Variants in PRAG1 observed in about 807,000 individuals in gnomAD.
PRAG1 encodes inactive tyrosine-protein kinase PRAG1.
Under a neutral mutation model 95.6 loss-of-function variants are expected in PRAG1, and 110 were observed. The observed-to-expected ratio is 1.15, with a 90% CI of 0.99 to 1.35. The LOEUF (loss-of-function observed/expected upper bound fraction) is 1.35, where lower values mean the gene tolerates loss of function less well. PRAG1 is among the 40% of genes most tolerant of loss of function. PRAG1 has a pLI of 0.00. For missense variants in PRAG1, 2,554 were observed against 1,864.7 expected (o/e 1.37, Z -6.81); for synonymous variants, 1,052 against 819.4 (o/e 1.28, Z -4.85).
intron 5 of PRAG1, among the ~76,000 whole-genome samples, chr8:8,327,358 T>G (rs1798664532): frequency 2.0e-5 from 3 of 151,964 alleles, no homozygotes; most frequent in Admixed American, 2.0e-4. Flanking sequence ...TCATCTGAGG[T>G]CAGGAGTTCA....
intron 3 of PRAG1, among the ~76,000 whole-genome samples, chr8:8,368,171 G>C (rs1177658166): frequency 6.6e-6 from 1 of 152,178 alleles, no homozygotes; most frequent in Non-Finnish European, 1.5e-5. Context: ...AACAGTGATA[G>C]GTATACTGGA....
intron 3 of PRAG1, among the ~76,000 whole-genome samples, chr8:8,361,562 G>C (rs2116891996): frequency 6.6e-6 from 1 of 152,294 alleles, no homozygotes; most frequent in Middle Eastern, 3.4e-3. Context: ...TGTTTTCAGA[G>C]GGTAAAGAAG....
At chr8:8,382,930 G>A (rs1287100068) in intron 1 of PRAG1, among the ~76,000 whole-genome samples, 4 of 152,138 alleles carry the variant, frequency 2.6e-5, no homozygotes, top group Non-Finnish European at 4.4e-5. Flanking sequence ...GGTGATTTGC[G>A]CATTGCTCCT....
chr8:8,371,830 A>G (rs1216159422), intron 3 of PRAG1, among the ~76,000 whole-genome samples: 1 of 152,162 alleles, frequency 6.6e-6, no homozygotes, highest in Non-Finnish European at 1.5e-5. Context: ...GCACCACTGC[A>G]CTCCAGCCTG....
At chr8:8,319,344 G>C (rs376066922) in intron 5 of PRAG1, 42 bp from the exon 6 acceptor site, 2 of 1,461,882 alleles carry the variant, frequency 1.4e-6, no homozygotes, top group Non-Finnish European at 1.8e-6. Context: ...TGGGGCCCAT[G>C]GTTCCGCCCA....
At position 8,332,304 on chromosome 8, in the gene PRAG1, AG is replaced by A. The variant is rs1339156101; in HGVS notation, c.2321-3844del. Among the ~76,000 whole-genome samples the A allele has an allele frequency of 2.0e-5, 3 of 150,910 alleles. No homozygotes were observed. The East Asian group carries it at 5.8e-4, about 29-fold the overall frequency. Reference sequence around the variant, plus strand: ...AGCCTCCCAAGTAGCTGGGATTACAAGCACCCACCATCACGCCCAGCTAATT... The same window carrying A: ...AGCCTCCCAAGTAGCTGGGATTACAACACCCACCATCACGCCCAGCTAATT... On this transcript the variant is annotated intron_variant, in intron 4 of 5. Transcript: ENST00000615670.
intron 3 of PRAG1, 79 bp from the exon 4 acceptor site, chr8:8,339,714 A>C: frequency 7.0e-7 from 1 of 1,433,946 alleles, no homozygotes; most frequent in Non-Finnish European, 9.5e-7. Flanking sequence ...TCATGAACTT[A>C]CCATGCTCTT....
chr8:8,335,066 G>GA (rs971153213), intron 4 of PRAG1, among the ~76,000 whole-genome samples: 17 of 144,916 alleles, frequency 1.2e-4, no homozygotes, highest in East Asian at 2.0e-4. Flanking sequence ...ACTCTGTCTC[G>GA]AAAAAAAAAA....
At chr8:8,319,324 A>T in intron 5 of PRAG1, 22 bp from the exon 6 acceptor site, 1 of 1,488,290 alleles carries the variant, frequency 6.7e-7, no homozygotes, top group South Asian at 1.4e-5. Flanking sequence ...AGAAGAAGTG[A>T]AATCAAGAGT....
chr8:8,321,560 G>A (rs1051369613), intron 5 of PRAG1, among the ~76,000 whole-genome samples: 1 of 152,216 alleles, frequency 6.6e-6, no homozygotes, highest in South Asian at 2.1e-4. Context: ...TACAGACTGG[G>A]CTCTTGCATG....
chr8:8,326,427 A>C (rs1006409650), intron 5 of PRAG1, among the ~76,000 whole-genome samples: 11 of 152,194 alleles, frequency 7.2e-5, no homozygotes, highest in African/African-American at 2.4e-4. Flanking sequence ...GTGATGAGAG[A>C]AGATAGCTCA....
At position 8,318,073 on chromosome 8, in the gene PRAG1, GGGAGACATGGGTGCT is replaced by G; in HGVS notation, c.*66_*80del. Reference sequence around the variant, plus strand: ...TCCCAGTCATCTGTACCATTTCCCAGGGAGACATGGGTGCTTCCAAGGCGAGACAGGAAAGGGTTA... The same window carrying G: ...TCCCAGTCATCTGTACCATTTCCCAGTCCAAGGCGAGACAGGAAAGGGTTA... On this transcript the variant is annotated 3_prime_UTR_variant, in exon 6 of 6. Transcript: ENST00000615670. The surrounding 1 kb of genome is among the most constrained non-coding windows in gnomAD (Gnocchi z 4.2). 3 of 1,388,322 alleles carry G rather than the reference GGGAGACATGGGTGCT, an allele frequency of 2.2e-6. No homozygotes were observed. Among genetic ancestry groups the G allele is most frequent in the Non-Finnish European group, 2.9e-6 (3 of 1,034,420 alleles). The allele number at this position is 1,388,322 out of a possible 1,614,324, so 86.0% of individuals were successfully genotyped here.
At position 8,369,515 on chromosome 8, in the gene PRAG1, G is replaced by C. The variant is rs904128180; in HGVS notation, c.2162+6732C>G. Among the ~76,000 whole-genome samples, 4 of 152,112 alleles carry C rather than the reference G, an allele frequency of 2.6e-5. No individual in the cohort carries two copies. The East Asian group carries it at 7.7e-4, about 29-fold the overall frequency. ...GCACCTGTTATGTGCAAAGCAAGGA[G>C]TCAGGTGCCTTTCTGGAAAACGAAA... On this transcript the variant is annotated intron_variant, in intron 3 of 5. Transcript: ENST00000615670.
chr8:8,376,538 C>G lies in PRAG1; in HGVS notation c.1871G>C (p.Arg624Thr). Residue 624 changes from arginine to threonine, a missense_variant, in exon 3 of 6, where the codon AGG becomes ACG. Arg to Thr is a moderately conservative substitution (Grantham distance 71). Transcript: ENST00000615670. ...GGTGCCTGCCTGGAACCTGGGCCGCCTCTGTTCCGAGGCTGACGAGGCGGC... is the reference window on the plus strand; with the variant it reads ...GGTGCCTGCCTGGAACCTGGGCCGCGTCTGTTCCGAGGCTGACGAGGCGGC... ...QPAASSASEQ[R>T]RPRFQAGTWS... is the part of the protein sequence containing the mutation. 1.2e-6 allele frequency: 2 copies of G among 1,610,366 alleles called. No individual in the cohort carries two copies. The highest frequency in any genetic ancestry group is 1.7e-6 in the Non-Finnish European group (2 of 1,177,260).
intron 3 of PRAG1, among the ~76,000 whole-genome samples, chr8:8,353,894 G>A (rs576106757): frequency 2.0e-5 from 3 of 151,376 alleles, no homozygotes; most frequent in Non-Finnish European, 2.9e-5. Context: ...GGAAGAGGAA[G>A]ACCACCCATT....
chr8:8,372,060 T>C (rs1488996350), intron 3 of PRAG1, among the ~76,000 whole-genome samples: 1 of 152,218 alleles, frequency 6.6e-6, no homozygotes, highest in Non-Finnish European at 1.5e-5. Context: ...GGTGAAACGC[T>C]TATCTGCACT....
At chr8:8,341,236 C>T (rs915190773) in intron 3 of PRAG1, among the ~76,000 whole-genome samples, 2 of 152,068 alleles carry the variant, frequency 1.3e-5, no homozygotes, top group Admixed American at 6.6e-5. Flanking sequence ...GCACAGCTTC[C>T]CACTCCACAA....
intron 3 of PRAG1, among the ~76,000 whole-genome samples, chr8:8,346,163 C>T (rs1312361150): frequency 6.6e-6 from 1 of 152,228 alleles, no homozygotes; most frequent in Non-Finnish European, 1.5e-5. Flanking sequence ...TTTTTAAAGG[C>T]ACTTTTCCTT....
intron 5 of PRAG1, among the ~76,000 whole-genome samples, chr8:8,321,365 G>A (rs1463251816): frequency 3.3e-5 from 5 of 152,218 alleles, no homozygotes; most frequent in East Asian, 3.8e-4. Flanking sequence ...GATTACTCGC[G>A]TGAACCACGG....
Sources: allele counts gnomAD v4.1 joint callset (sites outside exome capture counted in the v4.1 genomes callset), GRCh38; gene constraint gnomAD v4.1.1; non-coding constraint Gnocchi (gnomAD v3.1); transcripts MANE v1.5; gene names NCBI Gene and HGNC (gene_info 2026-07-23, HGNC 2026-07-21).